SPOUT1: variants seen among roughly 807,000 people sequenced by gnomAD.
SPOUT1 encodes 28S rRNA (uridine-N(3))-methyltransferase.
In SPOUT1, 40 loss-of-function variants were observed where a neutral mutation model predicts 54.8. The ratio of observed to expected loss-of-function variants is 0.73; its 90% CI spans 0.57 to 0.95. SPOUT1 has a LOEUF of 0.95. SPOUT1 is among the 40% of genes least tolerant of loss of function. The pLI, the probability that SPOUT1 is intolerant of heterozygous loss-of-function variation, is 0.00. For synonymous variants in SPOUT1, 193 were observed against 200.3 expected, an observed-to-expected ratio of 0.96 and a Z score of 0.31; for missense variants, 437 against 499.5, an observed-to-expected ratio of 0.87 and a Z score of 1.19.
chr9:128,822,155 G>A lies in SPOUT1; in HGVS notation c.*610C>T. On this transcript the variant is annotated 3_prime_UTR_variant, in exon 12 of 12. Coordinates refer to ENST00000361256, the MANE Select transcript of SPOUT1 (RefSeq NM_016390.4). ...ACAGAGGGAAAGAGTTAACCACCCT[G>A]GAGAGAGTTCCAGCCTCAAGGAGGA... 1 of 734,046 alleles carries A rather than the reference G, an allele frequency of 1.4e-6. No homozygotes were observed. Among genetic ancestry groups the A allele is most frequent in the Non-Finnish European group, 2.2e-6 (1 of 458,358 alleles). The allele number at this position is 734,046 out of a possible 1,614,324, so 45.5% of individuals were successfully genotyped here. A position where few individuals can be genotyped will look rare whatever the true frequency, so the allele number is the denominator to read the frequency against.
rs902945387 is a variant in SPOUT1 at position 128,825,177 on chromosome 9, C to T, written c.640-128G>A. The T allele has an allele frequency of 9.0e-6, 6 of 664,604 alleles. No individual in the cohort carries two copies. The East Asian group carries it at 1.4e-4, about 15-fold the overall frequency. The allele number at this position is 664,604 out of a possible 1,614,324, so 41.2% of individuals were successfully genotyped here. A position where few individuals can be genotyped will look rare whatever the true frequency, so the allele number is the denominator to read the frequency against. On this transcript the variant is annotated intron_variant, in intron 7 of 11. Transcript: ENST00000361256. ...CAAGGGGTCCAGGTCAACCTGCCAC[C>T]CTCCACCCCTGGCACCGGCTGAACC...
chr9:128,824,180 G>T lies in SPOUT1; in HGVS notation c.812-6C>A, dbSNP rs764321980. 6.3e-7 allele frequency: 1 copy of T among 1,587,546 alleles called. No homozygotes were observed. The highest frequency in any genetic ancestry group is 8.6e-7 in the Non-Finnish European group (1 of 1,156,754). ...GGCCTCAGCAAACACAGCACCTGGG[G>T]GTGGGGCCAGCTCAGTGCAGGTCCT... On this transcript the variant is annotated splice_region_variant and splice_polypyrimidine_tract_variant and intron_variant, in intron 9 of 11. Transcript: ENST00000361256.
At position 128,824,915 on chromosome 9, in the gene SPOUT1, G is replaced by C. The variant is rs201323434; in HGVS notation, c.713-46C>G. 5 of 1,596,266 alleles carry C rather than the reference G, an allele frequency of 3.1e-6. No individual in the cohort carries two copies. In the African/African-American group the frequency reaches 5.4e-5, roughly 17 times the overall value. On this transcript the variant is annotated intron_variant, in intron 8 of 11. Transcript: ENST00000361256. ...GTAAAGATGGGGTGAGGGAATGGAA[G>C]CAGGTGGCTGAACCCTGGAGCTCAT...
At position 128,826,802 on chromosome 9, in the gene SPOUT1, G is replaced by A. The variant is rs1589595696; in HGVS notation, c.369-173C>T. Among the ~76,000 whole-genome samples the A allele has an allele frequency of 6.6e-6, 1 of 152,172 alleles. No individual in the cohort carries two copies. The highest frequency in any genetic ancestry group is 1.5e-5 in the Non-Finnish European group (1 of 68,030). ...TGACCATGCCACTGCATGCACTCCA[G>A]CCGGGGTGACAGCTGAGATACAGGT... On this transcript the variant is annotated intron_variant, in intron 4 of 11. Coordinates refer to ENST00000361256, the MANE Select transcript of SPOUT1 (RefSeq NM_016390.4). This position sits in a 1 kb window ranked among gnomAD's most constrained non-coding sequence, Gnocchi z 5.5.
Position 128,822,133 on chromosome 9 carries a change from G to A in SPOUT1, c.*632C>T. 1.6e-6 allele frequency: 1 copy of A among 637,992 alleles called. No homozygotes were observed. The highest frequency in any genetic ancestry group is 2.7e-6 in the Non-Finnish European group (1 of 372,944). 39.5% of individuals were successfully genotyped at this position (637,992 alleles called of 1,614,324 possible). ...CCCAGTGTTGGGCATAAGGAAAACA[G>A]AGGGAAAGAGTTAACCACCCTGGAG... On this transcript the variant is annotated 3_prime_UTR_variant, in exon 12 of 12. Coordinates refer to ENST00000361256, the MANE Select transcript of SPOUT1 (RefSeq NM_016390.4).
chr9:128,829,162 A>T lies in SPOUT1; in HGVS notation c.37-7T>A. ...TCCTTTGGCCGTGTTCACCCTGGAG[A>T]AGGAGTGGTAGGAGGATTATGAGTG... On this transcript the variant is annotated splice_polypyrimidine_tract_variant and splice_region_variant and intron_variant, in intron 1 of 11. Coordinates refer to ENST00000361256, the MANE Select transcript of SPOUT1 (RefSeq NM_016390.4). 6.2e-7 allele frequency: 1 copy of T among 1,613,028 alleles called. No individual in the cohort carries two copies. Among genetic ancestry groups the T allele is most frequent in the Non-Finnish European group, 8.5e-7 (1 of 1,179,076 alleles).
intron 9 of SPOUT1, 121 bp from the exon 10 acceptor site, chr9:128,824,295 T>A (rs1830193849): frequency 1.7e-6 from 1 of 590,298 alleles, no homozygotes; most frequent in East Asian, 3.3e-5. Context: ...TGTGTGTGTG[T>A]GTGTGCGTGT....
At chr9:128,824,688 G>C in intron 9 of SPOUT1, 83 bp downstream of exon 9, 2 of 942,032 alleles carry the variant, frequency 2.1e-6, no homozygotes, top group African/African-American at 3.2e-5. Context: ...AAAAACCCTG[G>C]TCTGATATTT....
At chr9:128,827,582 C>G (rs760787149) in intron 3 of SPOUT1, among the ~76,000 whole-genome samples, 3 of 152,242 alleles carry the variant, frequency 2.0e-5, no homozygotes, top group Non-Finnish European at 4.4e-5. Flanking sequence ...GCCATTATCC[C>G]CATTTACAGA....
At position 128,822,568 on chromosome 9, in the gene SPOUT1, G is replaced by A. The variant is rs373670717; in HGVS notation, c.*197C>T. ...TGCTCTTTGTGCCAAACATCCTGGC[G>A]CGGGCAGGCAGCCTCAAGGCCATCA... On this transcript the variant is annotated 3_prime_UTR_variant, in exon 12 of 12. Transcript: ENST00000361256. The A allele has an allele frequency of 1.4e-5, 22 of 1,566,044 alleles. No homozygotes were observed. The East Asian group carries it at 1.9e-4, about 13-fold the overall frequency.
chr9:128,829,021 A>G, intron 2 of SPOUT1, 89 bp downstream of exon 2: 1 of 1,512,172 alleles, frequency 6.6e-7, no homozygotes. Context: ...CAGGACCCAG[A>G]GGGAACAAAG....
Position 128,822,079 on chromosome 9 carries a change from C to T in SPOUT1, c.*686G>A. ...TATTCAGAAGGCTCGATTCTCCTAG[C>T]AGCGTTTATTGTCGCCCACTCTGCC... On this transcript the variant is annotated 3_prime_UTR_variant, in exon 12 of 12. Coordinates refer to ENST00000361256, the MANE Select transcript of SPOUT1 (RefSeq NM_016390.4). 1.8e-6 allele frequency: 1 copy of T among 561,830 alleles called. No individual in the cohort carries two copies. Among genetic ancestry groups the T allele is most frequent in the South Asian group, 2.1e-5 (1 of 47,908 alleles). The allele number at this position is 561,830 out of a possible 1,614,324, so 34.8% of individuals were successfully genotyped here. A position where few individuals can be genotyped will look rare whatever the true frequency, so the allele number is the denominator to read the frequency against.
At position 128,821,444 on chromosome 9, in the gene SPOUT1, G is replaced by A. The variant is rs1018392812; in HGVS notation, c.*1321C>T. 5 of 157,344 alleles carry A rather than the reference G, an allele frequency of 3.2e-5. No individual in the cohort carries two copies. The highest frequency in any genetic ancestry group is 1.7e-4 in the South Asian group (1 of 6,042). 9.7% of individuals were successfully genotyped at this position (157,344 alleles called of 1,614,324 possible). On this transcript the variant is annotated 3_prime_UTR_variant, in exon 12 of 12. Coordinates refer to ENST00000361256, the MANE Select transcript of SPOUT1 (RefSeq NM_016390.4). ...TCATGCCTTCCCCCTGCAGGTCCGC[G>A]GTGCACCAGGCTCTCCCGCCTTCAG...
intron 11 of SPOUT1, 44 bp from the exon 12 acceptor site, chr9:128,822,877 C>T (rs763248167): frequency 2.7e-5 from 39 of 1,423,682 alleles, no homozygotes; most frequent in Non-Finnish European, 3.6e-5. Context: ...GGGGGGCTAG[C>T]GGGTGCCCCC....
rs559649520 is a variant in SPOUT1, at chr9:128,821,578, T to C, written c.*1187A>G. 1 of 154,188 alleles carries C rather than the reference T, an allele frequency of 6.5e-6. No individual in the cohort carries two copies. The highest frequency in any genetic ancestry group is 1.9e-4 in the East Asian group (1 of 5,154). 9.6% of individuals were successfully genotyped at this position (154,188 alleles called of 1,614,324 possible). A position where few individuals can be genotyped will look rare whatever the true frequency, so the allele number is the denominator to read the frequency against. ...CTCCTGTGCAGCCCTGCCTCTCAGG[T>C]GGAAGCAACTGAGCACCTCTGGGTG... On this transcript the variant is annotated 3_prime_UTR_variant, in exon 12 of 12. Transcript: ENST00000361256.
chr9:128,828,898 T>C, intron 2 of SPOUT1, 38 bp from the exon 3 acceptor site: 1 of 1,613,096 alleles, frequency 6.2e-7, no homozygotes, highest in South Asian at 1.1e-5. Flanking sequence ...AAGGAGACAG[T>C]TCCCACTCAT....
rs1211544703 is a variant in SPOUT1, at chr9:128,820,690, G to A, written c.*2075C>T. ...GACCTGGGGCGGCCCTCTGATAGAG[G>A]AGGAAGGGTCCCAGCCACAGTCCTG... On this transcript the variant is annotated 3_prime_UTR_variant, in exon 12 of 12. Transcript: ENST00000361256. 2 of 1,530,520 alleles carry A rather than the reference G, an allele frequency of 1.3e-6. No individual in the cohort carries two copies. Among genetic ancestry groups the A allele is most frequent in the Admixed American group, 1.9e-5 (1 of 52,904 alleles). 94.8% of individuals were successfully genotyped at this position (1,530,520 alleles called of 1,614,324 possible).
chr9:128,822,944 T>G, intron 11 of SPOUT1, 111 bp from the exon 12 acceptor site: 1 of 736,218 alleles, frequency 1.4e-6, no homozygotes. Context: ...TGGGGTCCCC[T>G]GTCCTTAGTA....
chr9:128,822,418 C>T lies in SPOUT1; in HGVS notation c.*347G>A, dbSNP rs769080476. On this transcript the variant is annotated 3_prime_UTR_variant, in exon 12 of 12. Coordinates refer to ENST00000361256, the MANE Select transcript of SPOUT1 (RefSeq NM_016390.4). ...CCACACACTTCTTCAAGGTGCTGAT[C>T]CTGGAGGCAGCAGGTGGGCAAATTG... The T allele has an allele frequency of 1.9e-6, 3 of 1,608,498 alleles. No homozygotes were observed. The highest frequency in any genetic ancestry group is 2.5e-6 in the Non-Finnish European group (3 of 1,177,450).
Sources: gnomAD v4.1 joint callset for allele counts (sites outside exome capture counted in the v4.1 genomes callset) on GRCh38, gnomAD v4.1.1 for gene constraint, Gnocchi (gnomAD v3.1) non-coding constraint, MANE v1.5 for transcripts, NCBI Gene and HGNC (gene_info 2026-07-23, HGNC 2026-07-21) for gene names.